ADARB2: variants seen among roughly 807,000 people sequenced by gnomAD.
The protein encoded by ADARB2 is inactive double-stranded RNA-specific editase B2.
A neutral mutation model predicts 62.2 loss-of-function variants in ADARB2; 25 were observed. The observed-to-expected ratio is 0.40, with a 90% CI of 0.29 to 0.56. The LOEUF is 0.56. Ranked by LOEUF, ADARB2 falls within the 20% of genes least tolerant of loss-of-function variation. The pLI, the probability that ADARB2 is intolerant of heterozygous loss-of-function variation, is 0.43. For missense variants in ADARB2, 1,071 were observed against 1,077.4 expected (o/e 0.99, Z 0.08); for synonymous variants, 572 against 500.8 (o/e 1.14, Z -1.90).
At chr10:1,634,330 C>T (rs1358620192) in intron 1 of ADARB2, among the ~76,000 whole-genome samples, 1 of 152,224 alleles carries the variant, frequency 6.6e-6, no homozygotes, top group African/African-American at 2.4e-5. Context: ...AAGAAAACCA[C>T]AGCGGTTGTT....
chr10:1,630,139 C>T (rs1833823984), intron 1 of ADARB2, among the ~76,000 whole-genome samples: 1 of 152,176 alleles, frequency 6.6e-6, no homozygotes, highest in Non-Finnish European at 1.5e-5. Context: ...AGTGTTTCAT[C>T]TTAGAAATAG....
Position 1,182,943 on chromosome 10 carries a change from G to T in ADARB2, c.*250C>A. Reference sequence around the variant, plus strand: ...GGAGCCCCTCCCTCAGACTCCACAGGAAGAGTCGGCGCTAACTCAACAGTG... The same window carrying T: ...GGAGCCCCTCCCTCAGACTCCACAGTAAGAGTCGGCGCTAACTCAACAGTG... On this transcript the variant is annotated 3_prime_UTR_variant, in exon 10 of 10. Coordinates refer to ENST00000381312, the MANE Select transcript of ADARB2 (RefSeq NM_018702.4). 2.1e-6 allele frequency: 1 copy of T among 477,156 alleles called. No individual in the cohort carries two copies. Among genetic ancestry groups the T allele is most frequent in the Non-Finnish European group, 3.8e-6 (1 of 265,950 alleles). 29.6% of individuals were successfully genotyped at this position (477,156 alleles called of 1,614,324 possible). A position where few individuals can be genotyped will look rare whatever the true frequency, so the allele number is the denominator to read the frequency against.
At chr10:1,655,141 G>C (rs1358916344) in intron 1 of ADARB2, among the ~76,000 whole-genome samples, 5 of 152,228 alleles carry the variant, frequency 3.3e-5, no homozygotes, top group Non-Finnish European at 7.3e-5. Context: ...CTTTCCTTGA[G>C]GTTTCTCTGT....
chr10:1,657,965 GTCTC>G lies in ADARB2; in HGVS notation c.100+79082_100+79085del, dbSNP rs558579400. On this transcript the variant is annotated intron_variant, in intron 1 of 9. Coordinates refer to ENST00000381312, the MANE Select transcript of ADARB2 (RefSeq NM_018702.4). ...TGATTCTCTGTCTGTGTCTGCCTCAGTCTCTCTCTATCTCAGTCTCTCTCTCTCT... is the reference window on the plus strand; with the variant it reads ...TGATTCTCTGTCTGTGTCTGCCTCAGTCTCTATCTCAGTCTCTCTCTCTCT... Among the ~76,000 whole-genome samples the G allele has an allele frequency of 6.4e-4, 89 of 138,234 alleles. 2 individuals carry two copies. The South Asian group carries it at 9.0e-3, about 14-fold the overall frequency. The allele number at this position is 138,234 out of a possible 152,430, so 90.7% of individuals were successfully genotyped here.
chr10:1,646,221 G>T (rs1346706333), intron 1 of ADARB2, among the ~76,000 whole-genome samples: 1 of 152,200 alleles, frequency 6.6e-6, no homozygotes, highest in Non-Finnish European at 1.5e-5. Context: ...GATGTGTCCT[G>T]GGGTCCAGCC....
intron 1 of ADARB2, among the ~76,000 whole-genome samples, chr10:1,697,069 G>T (rs1588356362): frequency 1.3e-5 from 2 of 152,026 alleles, no homozygotes; most frequent in South Asian, 2.1e-4. Flanking sequence ...GAAGCCAAAA[G>T]ATTGGACACC....
intron 1 of ADARB2, among the ~76,000 whole-genome samples, chr10:1,627,069 T>C (rs1345499810): frequency 1.3e-5 from 2 of 151,882 alleles, no homozygotes; most frequent in Non-Finnish European, 2.9e-5. Context: ...CCTGGACGCC[T>C]CTCCCTCCCC....
chr10:1,574,184 T>G (rs975998420), intron 1 of ADARB2, among the ~76,000 whole-genome samples: 1 of 152,146 alleles, frequency 6.6e-6, no homozygotes, highest in Non-Finnish European at 1.5e-5. Flanking sequence ...ACAAGTGATG[T>G]GGGCCGAGAG....
At chr10:1,296,889 C>T (rs1831528181) in intron 3 of ADARB2, among the ~76,000 whole-genome samples, 1 of 152,244 alleles carries the variant, frequency 6.6e-6, no homozygotes. Context: ...CCCAGCCTGG[C>T]TCCTTGCTAA....
intron 3 of ADARB2, among the ~76,000 whole-genome samples, chr10:1,279,906 G>A (rs1380261037): frequency 6.6e-6 from 1 of 152,194 alleles, no homozygotes; most frequent in Non-Finnish European, 1.5e-5. Context: ...TCCTGATTCA[G>A]GTGAAGTTTT....
At chr10:1,557,880 G>GTTGAGGTGAGCTGAGA (rs1554771625) in intron 1 of ADARB2, among the ~76,000 whole-genome samples, 3 of 151,846 alleles carry the variant, frequency 2.0e-5, no homozygotes, top group African/African-American at 7.3e-5. Flanking sequence ...GTGAGCTGAG[G>GTTGAGGTGAGCTGAGA]TTGCGCCACT....
At chr10:1,337,620 TC>T (rs1271637513) in intron 3 of ADARB2, among the ~76,000 whole-genome samples, 1 of 152,082 alleles carries the variant, frequency 6.6e-6, no homozygotes, top group African/African-American at 2.4e-5. Context: ...GGGTTACCCA[TC>T]CCTCCCACCG....
chr10:1,615,250 C>T (rs73592199), intron 1 of ADARB2, among the ~76,000 whole-genome samples: 28,908 of 152,208 alleles, frequency 0.19, 2,906 homozygotes, highest in East Asian at 0.34. Flanking sequence ...CTGCCTGCCC[C>T]ACCTTGGAGC....
At chr10:1,299,124 T>A (rs964704961) in intron 3 of ADARB2, among the ~76,000 whole-genome samples, 1 of 151,924 alleles carries the variant, frequency 6.6e-6, no homozygotes, top group African/African-American at 2.4e-5. Flanking sequence ...CACATGCTCT[T>A]AAATGTCTTG....
chr10:1,227,880 A>G (rs1401815938), intron 6 of ADARB2, among the ~76,000 whole-genome samples: 1 of 152,250 alleles, frequency 6.6e-6, no homozygotes, highest in Admixed American at 6.5e-5. Context: ...TAATAATAAT[A>G]TCCACAGAAG....
rs79922484 is a variant in ADARB2, at chr10:1,562,918, C to A, written c.100+174133G>T. Among the ~76,000 whole-genome samples the A allele has an allele frequency of 3.3e-3, 505 of 152,376 alleles. 4 individuals carry two copies. Among genetic ancestry groups the A allele is most frequent in the African/African-American group, 0.011 (461 of 41,588 alleles). ...AGTTGTTATTACTATTCTTCCTCTT[C>A]TTCAATTGCTCCTTCAACAAATGTT... On this transcript the variant is annotated intron_variant, in intron 1 of 9. Transcript: ENST00000381312.
chr10:1,620,200 T>C lies in ADARB2; in HGVS notation c.100+116851A>G, dbSNP rs148089421. 9.4e-3 allele frequency among the ~76,000 whole-genome samples: 1,427 copies of C among 151,894 alleles called. 10 individuals carry two copies. Among genetic ancestry groups the C allele is most frequent in the Middle Eastern group, 0.027 (8 of 294 alleles). On this transcript the variant is annotated intron_variant, in intron 1 of 9. Transcript: ENST00000381312. Reference sequence around the variant, plus strand: ...AAGATTAGAGCAAAAATCCATGAAATAGAAAACCAAAAAAATCAACAAATT... The same window carrying C: ...AAGATTAGAGCAAAAATCCATGAAACAGAAAACCAAAAAAATCAACAAATT...
intron 1 of ADARB2, among the ~76,000 whole-genome samples, chr10:1,428,453 A>AT (rs1272575954): frequency 2.7e-5 from 4 of 150,606 alleles, no homozygotes; most frequent in Non-Finnish European, 4.4e-5. Flanking sequence ...CGCCCAGCTA[A>AT]TTTTTTTGTA....
At chr10:1,261,178 T>C (rs1396123238) in intron 4 of ADARB2, among the ~76,000 whole-genome samples, 1 of 145,652 alleles carries the variant, frequency 6.9e-6, no homozygotes, top group Non-Finnish European at 1.5e-5. Flanking sequence ...ACTTAAACGT[T>C]AGACCTAAAA....
Sources: gnomAD v4.1 joint callset for allele counts (sites outside exome capture counted in the v4.1 genomes callset) on GRCh38, gnomAD v4.1.1 for gene constraint, MANE v1.5 for transcripts, NCBI Gene and HGNC (gene_info 2026-07-23, HGNC 2026-07-21) for gene names.